The following AGBL1 variants were observed in gnomAD, a reference collection of about 807,000 sequenced individuals.
AGBL1 encodes the protein cytosolic carboxypeptidase 4.
In AGBL1, 130 loss-of-function variants were observed where a neutral mutation model predicts 118.9. That is an observed-to-expected ratio of 1.09 (90% confidence interval 0.95 to 1.26). The LOEUF (loss-of-function observed/expected upper bound fraction) is 1.26, where lower values mean the gene tolerates loss of function less well. Ranked by LOEUF, AGBL1 falls within the 50% of genes most tolerant of loss-of-function variation. The pLI, the probability that AGBL1 is intolerant of heterozygous loss-of-function variation, is 0.00. For synonymous variants in AGBL1, 555 were observed against 478.9 expected (o/e 1.16, Z -2.08); for missense variants, 1,584 against 1,298.1 (o/e 1.22, Z -3.38).
In AGBL1 at chr15:86,222,300, T is replaced by C. The variant is rs1214661553; in HGVS notation, c.489-2614T>C. Among the ~76,000 whole-genome samples the C allele has an allele frequency of 3.3e-5, 5 of 152,330 alleles. 1 individual carries two copies. The South Asian group carries it at 8.3e-4, about 25-fold the overall frequency. ...GTAGCCTTCTGTTGTACCCTTCATC[T>C]TGAACTCAGCACCAAAATCAAAATC... On this transcript the variant is annotated intron_variant, in intron 5 of 22. Coordinates refer to ENST00000614907, the MANE Select transcript of AGBL1 (RefSeq NM_001386094.1).
chr15:86,225,436 T>C (rs566793914), intron 6 of AGBL1, among the ~76,000 whole-genome samples: 2 of 152,132 alleles, frequency 1.3e-5, no homozygotes, highest in Non-Finnish European at 2.9e-5. Flanking sequence ...CTTGGGCAGG[T>C]GGAGTGCTGG....
intron 21 of AGBL1, among the ~76,000 whole-genome samples, chr15:86,634,148 G>A (rs2085037155): frequency 6.6e-6 from 1 of 152,090 alleles, no homozygotes; most frequent in Non-Finnish European, 1.5e-5. Flanking sequence ...TTGGAAAACA[G>A]TGTGGCAATT....
chr15:86,888,150 G>T (rs977123710), intron 22 of AGBL1, among the ~76,000 whole-genome samples: 3 of 151,962 alleles, frequency 2.0e-5, no homozygotes, highest in Non-Finnish European at 4.4e-5. Context: ...CCTGGGACCA[G>T]CAGGGAAACG....
intron 5 of AGBL1, among the ~76,000 whole-genome samples, chr15:86,218,112 C>A (rs890531535): frequency 6.6e-6 from 1 of 152,080 alleles, no homozygotes; most frequent in African/African-American, 2.4e-5. Flanking sequence ...TATGTTCCAA[C>A]CAAGGACCAA....
chr15:86,148,640 T>C (rs2077064070), intron 3 of AGBL1, among the ~76,000 whole-genome samples: 1 of 152,014 alleles, frequency 6.6e-6, no homozygotes, highest in Admixed American at 6.6e-5. Flanking sequence ...AAATACCAAA[T>C]CTACATTTGA....
intron 18 of AGBL1, among the ~76,000 whole-genome samples, chr15:86,408,774 T>C (rs1479702420): frequency 6.6e-6 from 1 of 151,872 alleles, no homozygotes; most frequent in Non-Finnish European, 1.5e-5. Context: ...GGCAAAAGGG[T>C]TTTTAATCTT....
intron 22 of AGBL1, among the ~76,000 whole-genome samples, chr15:86,801,449 C>T (rs561255304): frequency 6.6e-6 from 1 of 152,052 alleles, no homozygotes; most frequent in East Asian, 1.9e-4. Flanking sequence ...TGAGAGACTT[C>T]TAGTTTATTA....
intron 15 of AGBL1, among the ~76,000 whole-genome samples, chr15:86,277,994 T>C (rs1159296608): frequency 6.6e-6 from 1 of 152,226 alleles, no homozygotes. Context: ...AAACTGAGTG[T>C]ATGTTTGCAC....
intron 22 of AGBL1, among the ~76,000 whole-genome samples, chr15:86,795,317 C>A (rs1179598882): frequency 6.6e-6 from 1 of 152,082 alleles, no homozygotes; most frequent in East Asian, 1.9e-4. Flanking sequence ...TATCTGACAG[C>A]CGATCTTTTA....
chr15:86,119,498 T>C (rs1488933920), intron 1 of AGBL1, among the ~76,000 whole-genome samples: 1 of 152,138 alleles, frequency 6.6e-6, no homozygotes, highest in African/African-American at 2.4e-5. Context: ...CCAGATTCAA[T>C]AGTCGTGATA....
chr15:86,728,091 C>T (rs75224939), intron 22 of AGBL1, among the ~76,000 whole-genome samples: 1,856 of 152,236 alleles, frequency 0.012, 27 homozygotes, highest in East Asian at 0.068. Context: ...ATTCTTGGTT[C>T]CCTCTCCTTT....
intron 5 of AGBL1, among the ~76,000 whole-genome samples, chr15:86,165,727 T>C (rs1279639729): frequency 1.3e-5 from 2 of 152,092 alleles, no homozygotes; most frequent in Non-Finnish European, 2.9e-5. Context: ...TCACTCTATG[T>C]CTCAGCACTT....
intron 1 of AGBL1, among the ~76,000 whole-genome samples, chr15:86,087,266 C>G (rs1895720267): frequency 1.3e-5 from 2 of 151,096 alleles, no homozygotes; most frequent in South Asian, 4.2e-4. Flanking sequence ...ACTAACATTT[C>G]TGAAACAGCT....
At chr15:86,796,400 A>G (rs2078571808) in intron 22 of AGBL1, among the ~76,000 whole-genome samples, 3 of 152,214 alleles carry the variant, frequency 2.0e-5, no homozygotes, top group Admixed American at 6.5e-5. Flanking sequence ...GTTGGTCTCA[A>G]TCTATTCTTT....
At chr15:86,721,857 C>T (rs983691701) in intron 22 of AGBL1, among the ~76,000 whole-genome samples, 13 of 152,232 alleles carry the variant, frequency 8.5e-5, no homozygotes, top group Middle Eastern at 6.8e-3. Flanking sequence ...TCTTATACAC[C>T]GATAACAGAT....
chr15:86,669,132 T>C (rs531481020), intron 21 of AGBL1, among the ~76,000 whole-genome samples: 21 of 152,036 alleles, frequency 1.4e-4, no homozygotes, highest in Non-Finnish European at 2.4e-4. Context: ...TTAAAAATTA[T>C]AAAATAATTG....
At chr15:86,364,094 T>C (rs1484773034) in intron 17 of AGBL1, among the ~76,000 whole-genome samples, 3 of 152,196 alleles carry the variant, frequency 2.0e-5, no homozygotes, top group Non-Finnish European at 4.4e-5. Context: ...ACAAAGTCTC[T>C]GTTCTTTTCC....
At chr15:86,426,966 C>T (rs1449357388) in intron 18 of AGBL1, among the ~76,000 whole-genome samples, 1 of 152,058 alleles carries the variant, frequency 6.6e-6, no homozygotes, top group Admixed American at 6.6e-5. Context: ...GGGTTTTGCC[C>T]TGTTGACCAG....
intron 18 of AGBL1, among the ~76,000 whole-genome samples, chr15:86,507,197 A>T: frequency 6.6e-6 from 1 of 152,106 alleles, no homozygotes; most frequent in East Asian, 1.9e-4. Context: ...TGTTAATGCC[A>T]TGTATTTGAA....
Sources: gnomAD v4.1 joint callset for allele counts (sites outside exome capture counted in the v4.1 genomes callset) on GRCh38, gnomAD v4.1.1 for gene constraint, MANE v1.5 for transcripts, NCBI Gene and HGNC (gene_info 2026-07-23, HGNC 2026-07-21) for gene names.